SAP130: variants seen among roughly 807,000 people sequenced by gnomAD.
SAP130 encodes the protein histone deacetylase complex subunit SAP130.
A neutral mutation model predicts 103.2 loss-of-function variants in SAP130; 16 were observed. That is an observed-to-expected ratio of 0.16 (90% confidence interval 0.10 to 0.24). SAP130 has a LOEUF of 0.24. Among genes scored for constraint, SAP130 ranks in the 10% least tolerant of loss-of-function variants. The pLI, the probability that SAP130 is intolerant of heterozygous loss-of-function variation, is 1.00. For missense variants in SAP130, 990 were observed against 1,359.7 expected (o/e 0.73, Z 4.28); for synonymous variants, 477 against 497.0 (o/e 0.96, Z 0.53).
intron 15 of SAP130, among the ~76,000 whole-genome samples, chr2:127,967,492 G>A (rs983175193): frequency 5.3e-5 from 8 of 152,140 alleles, no homozygotes; most frequent in South Asian, 4.1e-4. Context: ...CTCTGCCTCC[G>A]GTTTTCAAGT....
At chr2:127,998,838 CGAGT>C (rs1416548901) in intron 10 of SAP130, among the ~76,000 whole-genome samples, 1 of 152,146 alleles carries the variant, frequency 6.6e-6, no homozygotes, top group Non-Finnish European at 1.5e-5. Flanking sequence ...TACAAATACC[CGAGT>C]GAGGCTCCTG....
intron 14 of SAP130, among the ~76,000 whole-genome samples, chr2:127,985,899 G>C (rs1367069872): frequency 6.6e-6 from 1 of 151,928 alleles, no homozygotes; most frequent in African/African-American, 2.4e-5. Flanking sequence ...AGGACAGCAA[G>C]GGGAGCATGC....
intron 7 of SAP130, among the ~76,000 whole-genome samples, chr2:128,004,388 T>TTA (rs1683812218): frequency 1.3e-5 from 1 of 75,758 alleles, no homozygotes; most frequent in Non-Finnish European, 2.5e-5. Flanking sequence ...TTTTTTTTTT[T>TTA]AAAGCGATAG....
chr2:127,955,178 A>G lies in SAP130; in HGVS notation c.2230T>C (p.Ser744Pro), dbSNP rs1168728123. 2 of 1,614,088 alleles carry G rather than the reference A, an allele frequency of 1.2e-6. No individual in the cohort carries two copies. Among genetic ancestry groups the G allele is most frequent in the South Asian group, 1.1e-5 (1 of 91,070 alleles). ...GTTGAAAGGGCAACGGCTGGTTGTG[A>G]CGGGGGACTGGCTGCTGCAATCATA... ...PTMIAAASPP[S>P]QPAVALSTIP... The change falls in exon 16 of 21, where the codon TCA (serine) becomes CCA (proline). Residue 744 changes from serine (S) to proline (P), a missense_variant. Physicochemically the swap from Ser to Pro is moderately conservative, Grantham distance 74. Coordinates refer to ENST00000643581, the MANE Select transcript of SAP130 (RefSeq NM_001330301.2). This position sits in a 1 kb window ranked among gnomAD's most constrained non-coding sequence, Gnocchi z 4.9.
chr2:128,005,484 G>A (rs909783241), intron 7 of SAP130, among the ~76,000 whole-genome samples: 1 of 151,694 alleles, frequency 6.6e-6, no homozygotes, highest in Non-Finnish European at 1.5e-5. Context: ...GGGTGGTGGT[G>A]GGTGTCTGTA....
rs184775305 is a variant in SAP130 at position 128,006,860 on chromosome 2, G to C, written c.869+3409C>G. 2.6e-5 allele frequency among the ~76,000 whole-genome samples: 4 copies of C among 152,274 alleles called. No individual in the cohort carries two copies. The East Asian group carries it at 7.7e-4, about 29-fold the overall frequency. The stretch of plus-strand genomic sequence containing the variant: ...TAAAATTTTTTTCTATTTCTTCTAA[G>C]GAAATTGGTCTGTTGAAGAAGTTCT... On this transcript the variant is annotated intron_variant, in intron 7 of 20. Coordinates refer to ENST00000643581, the MANE Select transcript of SAP130 (RefSeq NM_001330301.2).
chr2:127,968,391 G>A (rs1057445246), intron 15 of SAP130, among the ~76,000 whole-genome samples: 7 of 149,596 alleles, frequency 4.7e-5, no homozygotes, highest in Non-Finnish European at 8.9e-5. Context: ...GATTACAGAC[G>A]TGAGCCACCA....
chr2:128,011,377 A>C (rs573770270), intron 6 of SAP130, among the ~76,000 whole-genome samples: 4 of 152,222 alleles, frequency 2.6e-5, no homozygotes, highest in African/African-American at 9.7e-5. Context: ...TTATTCTTCG[A>C]ATCACCTGAG....
chr2:127,999,786 G>A lies in SAP130; in HGVS notation c.1168C>T (p.His390Tyr). ...GTCACAGCAGTAGCATGGGAGGAATGGGAGGGTACTGTCATGGTAACAATG... is the reference window on the plus strand; with the variant it reads ...GTCACAGCAGTAGCATGGGAGGAATAGGAGGGTACTGTCATGGTAACAATG... ...STIVTMTVPS[H>Y]SSHATAVTTS... Residue 390 changes from histidine to tyrosine, a missense_variant, in exon 10 of 21, where the codon CAT becomes TAT. By Grantham distance (83) the His-to-Tyr change is moderately conservative. Around this residue, in one of 6 missense-constraint regions of SAP130, gnomAD observed 336 missense variants for 520.1 expected, o/e 0.65. Coordinates refer to ENST00000643581, the MANE Select transcript of SAP130 (RefSeq NM_001330301.2). 1 of 1,534,552 alleles carries A rather than the reference G, an allele frequency of 6.5e-7. No individual in the cohort carries two copies. The highest frequency in any genetic ancestry group is 1.4e-5 in the African/African-American group (1 of 72,054).
At chr2:127,972,844 G>A (rs1490515912) in intron 15 of SAP130, among the ~76,000 whole-genome samples, 1 of 152,104 alleles carries the variant, frequency 6.6e-6, no homozygotes, top group Non-Finnish European at 1.5e-5. Context: ...TAAGGTGGGA[G>A]GATCCTTGCA....
At chr2:127,979,794 T>C (rs1681731536) in intron 14 of SAP130, among the ~76,000 whole-genome samples, 1 of 151,998 alleles carries the variant, frequency 6.6e-6, no homozygotes, top group Non-Finnish European at 1.5e-5. Context: ...GGTAAGCATA[T>C]AGGTGAAGCA....
chr2:128,010,488 A>G (rs1684315448), intron 6 of SAP130, 95 bp from the exon 7 acceptor site: 3 of 1,174,298 alleles, frequency 2.6e-6, no homozygotes, highest in Middle Eastern at 2.5e-4. Context: ...CCTACAGATA[A>G]GCATGTTTCT....
intron 4 of SAP130, among the ~76,000 whole-genome samples, chr2:128,015,684 G>A (rs576927705): frequency 7.9e-5 from 12 of 152,276 alleles, no homozygotes; most frequent in African/African-American, 2.2e-4. Flanking sequence ...GCTCATGCCT[G>A]TAATCCCAGC....
At chr2:128,025,632 T>C (rs1312167893) in intron 2 of SAP130, among the ~76,000 whole-genome samples, 1 of 152,178 alleles carries the variant, frequency 6.6e-6, no homozygotes, top group Non-Finnish European at 1.5e-5. Context: ...ATTTACATTG[T>C]AGGAGGTATT....
At chr2:127,956,286 T>C (rs888269105) in intron 15 of SAP130, among the ~76,000 whole-genome samples, 3 of 152,212 alleles carry the variant, frequency 2.0e-5, no homozygotes, top group Non-Finnish European at 4.4e-5. Flanking sequence ...TCCATTTGGT[T>C]GGTCATCTGC....
rs1573606919 is a variant in SAP130, at chr2:127,942,700, G to GT, written c.2902-164dup. ...ACTAAGATACTAAGGTTTAAAAACA[G>GT]TAAAGGGGCTGGGCGCGGTGGCTCA... On this transcript the variant is annotated intron_variant, in intron 19 of 20. Coordinates refer to ENST00000643581, the MANE Select transcript of SAP130 (RefSeq NM_001330301.2). The surrounding 1 kb of genome is among the most constrained non-coding windows in gnomAD (Gnocchi z 4.8). Among the ~76,000 whole-genome samples, 1 of 152,184 alleles carries GT rather than the reference G, an allele frequency of 6.6e-6. No individual in the cohort carries two copies. Among genetic ancestry groups the GT allele is most frequent in the East Asian group, 1.9e-4 (1 of 5,188 alleles).
rs181548021 is a variant in SAP130, at chr2:127,953,741, A to G, written c.2422+1245T>C. ...TCATGGCCAGGAACTTCATTTCTTTAATGTCTCTACTCAATGGTCACTTCC... is the reference window on the plus strand; with the variant it reads ...TCATGGCCAGGAACTTCATTTCTTTGATGTCTCTACTCAATGGTCACTTCC... On this transcript the variant is annotated intron_variant, in intron 16 of 20. Transcript: ENST00000643581. This position sits in a 1 kb window ranked among gnomAD's most constrained non-coding sequence, Gnocchi z 4.0. Among the ~76,000 whole-genome samples the G allele has an allele frequency of 2.6e-3, 390 of 152,162 alleles. 7 individuals are homozygous for G. The highest frequency in any genetic ancestry group is 0.024 in the Admixed American group (369 of 15,268).
At chr2:127,970,151 C>T (rs1168720511) in intron 15 of SAP130, among the ~76,000 whole-genome samples, 2 of 149,518 alleles carry the variant, frequency 1.3e-5, no homozygotes, top group African/African-American at 5.0e-5. Context: ...TCTCTTGAAC[C>T]TGGGAGGCAG....
At chr2:128,016,220 C>T (rs934722727) in intron 4 of SAP130, among the ~76,000 whole-genome samples, 169 bp downstream of exon 4, 1 of 152,046 alleles carries the variant, frequency 6.6e-6, no homozygotes, top group African/African-American at 2.4e-5. Context: ...GCTTCTACTC[C>T]CTTTACAGTT....
Sources: gnomAD v4.1 joint callset for allele counts (sites outside exome capture counted in the v4.1 genomes callset) on GRCh38, gnomAD v4.1.1 for gene constraint, gnomAD v4.1.1 regional missense constraint, Gnocchi (gnomAD v3.1) non-coding constraint, MANE v1.5 for transcripts, NCBI Gene and HGNC (gene_info 2026-07-23, HGNC 2026-07-21) for gene names.